The following TRIM40 variants were observed in gnomAD, a reference collection of about 807,000 sequenced individuals.
TRIM40 encodes E3 ubiquitin ligase TRIM40.
In TRIM40, 27 loss-of-function variants were observed where a neutral mutation model predicts 26.1. The ratio of observed to expected loss-of-function variants is 1.04; its 90% CI spans 0.76 to 1.43. The LOEUF (loss-of-function observed/expected upper bound fraction) is 1.43. TRIM40 is among the 40% of genes most tolerant of loss of function. TRIM40 has a pLI of 0.00. For missense variants in TRIM40, 289 were observed against 307.9 expected, an observed-to-expected ratio of 0.94 and a Z score of 0.46; for synonymous variants, 114 against 120.0, an observed-to-expected ratio of 0.95 and a Z score of 0.33.
chr6:30,147,600 A>G (rs1026082021), intron 5 of TRIM40, 58 bp downstream of exon 5: 6 of 1,613,892 alleles, frequency 3.7e-6, no homozygotes, highest in East Asian at 2.2e-5. Context: ...CAACACAGAC[A>G]TGCACAGAGG....
Position 30,148,533 on chromosome 6 carries a change from G to C in TRIM40, c.*721G>C, listed in dbSNP as rs948235577. 2.0e-5 allele frequency: 3 copies of C among 152,212 alleles called. No homozygotes were observed. The highest frequency in any genetic ancestry group is 7.2e-5 in the African/African-American group (3 of 41,420). 9.4% of individuals were successfully genotyped at this position (152,212 alleles called of 1,614,324 possible). A position where few individuals can be genotyped will look rare whatever the true frequency, so the allele number is the denominator to read the frequency against. On this transcript the variant is annotated 3_prime_UTR_variant, in exon 6 of 6. Coordinates refer to ENST00000396581, the MANE Select transcript of TRIM40 (RefSeq NM_001286633.2). The stretch of plus-strand genomic sequence containing the variant: ...AACAAGCAGAGGCCCTCAGTCTTGT[G>C]GCTGCAAGAACCTGAATTCTGCCAA...
At chr6:30,141,071 C>T (rs1450312990) in intron 2 of TRIM40, among the ~76,000 whole-genome samples, 1 of 152,172 alleles carries the variant, frequency 6.6e-6, no homozygotes, top group Non-Finnish European at 1.5e-5. Context: ...CGCTTGAGCC[C>T]AGGAGTTCAA....
At chr6:30,137,442 A>C in intron 2 of TRIM40, 61 bp downstream of exon 2, 4 of 1,403,212 alleles carry the variant, frequency 2.9e-6, no homozygotes, top group Non-Finnish European at 4.0e-6. Context: ...TGCATCCTAC[A>C]TGTTCATCAT....
chr6:30,136,786 T>G lies in TRIM40; in HGVS notation c.-251T>G. ...AAACACAAGGAAACCGCAGGGTCCA[T>G]GTCAAAGCTGATGAGCTATTTCTGA... On this transcript the variant is annotated 5_prime_UTR_variant, in exon 2 of 6. It removes an upstream start codon present in the reference 5' UTR. Coordinates refer to ENST00000396581, the MANE Select transcript of TRIM40 (RefSeq NM_001286633.2). 1.8e-6 allele frequency: 1 copy of G among 546,826 alleles called. No individual in the cohort carries two copies. The highest frequency in any genetic ancestry group is 3.2e-6 in the Non-Finnish European group (1 of 308,470). The allele number at this position is 546,826 out of a possible 1,614,324, so 33.9% of individuals were successfully genotyped here.
In TRIM40 at chr6:30,147,878, C is replaced by T. The variant is rs1581546774; in HGVS notation, c.*66C>T. 1 of 1,408,110 alleles carries T rather than the reference C, an allele frequency of 7.1e-7. No homozygotes were observed. 87.2% of individuals were successfully genotyped at this position (1,408,110 alleles called of 1,614,324 possible). The stretch of plus-strand genomic sequence containing the variant: ...GCCTCCTCTCTCTCCTTCCTCCAAC[C>T]TGTCCAGGCCCCCACTGGGTCTACC... On this transcript the variant is annotated 3_prime_UTR_variant, in exon 6 of 6. Transcript: ENST00000396581.
intron 3 of TRIM40, among the ~76,000 whole-genome samples, chr6:30,146,444 C>A (rs1014694979): frequency 6.6e-6 from 1 of 151,458 alleles, no homozygotes; most frequent in Non-Finnish European, 1.5e-5. Flanking sequence ...TGGAGCCTTG[C>A]TCTGTCGCCC....
At chr6:30,147,474 A>T (rs1454782533) in intron 4 of TRIM40, 46 bp from the exon 5 acceptor site, 7 of 1,613,354 alleles carry the variant, frequency 4.3e-6, no homozygotes, top group Admixed American at 3.3e-5. Flanking sequence ...TGGAGGTGAT[A>T]GGAACCTGAG....
intron 2 of TRIM40, among the ~76,000 whole-genome samples, chr6:30,142,661 G>C (rs1771413423): frequency 1.3e-5 from 2 of 151,944 alleles, no homozygotes. Context: ...GTGCTGCTCT[G>C]TTTTATTTTT....
chr6:30,141,964 C>G (rs1362806781), intron 2 of TRIM40, among the ~76,000 whole-genome samples: 1 of 152,038 alleles, frequency 6.6e-6, no homozygotes, highest in African/African-American at 2.4e-5. Flanking sequence ...TACATTTTAC[C>G]ATGGATAAGG....
rs1158842515 is a variant in TRIM40, at chr6:30,147,225, C to G, written c.666+16C>G. On this transcript the variant is annotated intron_variant, in intron 4 of 5. Coordinates refer to ENST00000396581, the MANE Select transcript of TRIM40 (RefSeq NM_001286633.2). ...CACACTGAAGGTGCATACCCTGAGG[C>G]CTTCCCCAAGGGCTGGGATTCTCCC... 1.9e-6 allele frequency: 3 copies of G among 1,613,606 alleles called. No homozygotes were observed. Among genetic ancestry groups the G allele is most frequent in the Middle Eastern group, 1.7e-4 (1 of 6,002 alleles).
At chr6:30,146,134 A>G in intron 3 of TRIM40, 45 bp downstream of exon 3, 1 of 1,488,344 alleles carries the variant, frequency 6.7e-7, no homozygotes, top group Non-Finnish European at 9.3e-7. Flanking sequence ...GAGTGTTCTC[A>G]GGAGCCCTTA....
Position 30,136,776 on chromosome 6 carries a change from G to C in TRIM40, c.-261G>C, listed in dbSNP as rs947938290. 1 of 498,132 alleles carries C rather than the reference G, an allele frequency of 2.0e-6. No homozygotes were observed. The highest frequency in any genetic ancestry group is 3.1e-5 in the East Asian group (1 of 32,228). The allele number at this position is 498,132 out of a possible 1,614,324, so 30.9% of individuals were successfully genotyped here. ...CAAGTTTAACAAACACAAGGAAACC[G>C]CAGGGTCCATGTCAAAGCTGATGAG... is the stretch of plus-strand genomic sequence containing the variant. On this transcript the variant is annotated 5_prime_UTR_variant, in exon 2 of 6. Coordinates refer to ENST00000396581, the MANE Select transcript of TRIM40 (RefSeq NM_001286633.2).
chr6:30,145,430 T>C (rs1771587115), intron 2 of TRIM40, among the ~76,000 whole-genome samples: 1 of 152,198 alleles, frequency 6.6e-6, no homozygotes, highest in Non-Finnish European at 1.5e-5. Context: ...TTTTAGAAAC[T>C]CAAATCATTC....
Position 30,146,653 on chromosome 6 carries a change from C to T in TRIM40, c.442-332C>T, listed in dbSNP as rs561573445. On this transcript the variant is annotated intron_variant, in intron 3 of 5. Transcript: ENST00000396581. ...GTCTCGATCTCCTGACCTCGTGATC[C>T]GCCCGCCTTGGCCTCCCAAAGTGCT... 2.8e-4 allele frequency among the ~76,000 whole-genome samples: 42 copies of T among 152,146 alleles called. 1 individual carries two copies. In the South Asian group the frequency reaches 7.9e-3, roughly 29 times the overall value.
chr6:30,142,524 A>G (rs918505374), intron 2 of TRIM40, among the ~76,000 whole-genome samples: 1 of 152,070 alleles, frequency 6.6e-6, no homozygotes, highest in Non-Finnish European at 1.5e-5. Flanking sequence ...ACATTTTTTT[A>G]TTCTGTTATT....
intron 4 of TRIM40, 74 bp from the exon 5 acceptor site, chr6:30,147,446 T>G: frequency 6.2e-7 from 1 of 1,609,334 alleles, no homozygotes; most frequent in South Asian, 1.1e-5. Context: ...CCTCCAAGAG[T>G]GAATTGGGAA....
In TRIM40 at chr6:30,137,061, C is replaced by A. The variant is rs778935033; in HGVS notation, c.25C>A (p.Gln9Lys). MIPLQKDN[Q>K]EEGVCPICQE... ...CATGATCCCTTTGCAGAAGGACAACCAGGAGGAGGGTGTCTGCCCCATCTG... is the reference window on the plus strand; with the variant it reads ...CATGATCCCTTTGCAGAAGGACAACAAGGAGGAGGGTGTCTGCCCCATCTG... The change falls in exon 2 of 6, where the codon CAG becomes AAG. Residue 9 changes from glutamine to lysine, a missense_variant. Coordinates refer to ENST00000396581, the MANE Select transcript of TRIM40 (RefSeq NM_001286633.2). 3 of 1,612,824 alleles carry A rather than the reference C, an allele frequency of 1.9e-6. No homozygotes were observed. Among genetic ancestry groups the A allele is most frequent in the Non-Finnish European group, 2.5e-6 (3 of 1,179,972 alleles).
At chr6:30,140,057 A>C (rs1771255155) in intron 2 of TRIM40, among the ~76,000 whole-genome samples, 1 of 152,246 alleles carries the variant, frequency 6.6e-6, no homozygotes, top group Non-Finnish European at 1.5e-5. Flanking sequence ...AATCATTAAA[A>C]AGTCAGTAAA....
rs142807196 is a variant in TRIM40, at chr6:30,137,205, C to T, written c.169C>T (p.Arg57Trp). The change falls in exon 2 of 6, where the codon CGG becomes TGG. Residue 57 changes from arginine to tryptophan, a missense_variant. By Grantham distance (101) the Arg-to-Trp change is moderately radical (BLOSUM62 -3). Coordinates refer to ENST00000396581, the MANE Select transcript of TRIM40 (RefSeq NM_001286633.2). ...TGGGGTCTTCTGCTGCCCCCTCTGCCGGAAGCCCTGTTCTGAGGAGGTGCT... is the reference window on the plus strand; with the variant it reads ...TGGGGTCTTCTGCTGCCCCCTCTGCTGGAAGCCCTGTTCTGAGGAGGTGCT... The part of the protein sequence containing the change: ...ASGVFCCPLC[R>W]KPCSEEVLGT... 692 of 1,612,912 alleles carry T rather than the reference C, an allele frequency of 4.3e-4. 1 individual carries two copies. Among genetic ancestry groups the T allele is most frequent in the Non-Finnish European group, 5.4e-4 (632 of 1,180,024 alleles).
Sources: allele counts gnomAD v4.1 joint callset (sites outside exome capture counted in the v4.1 genomes callset), GRCh38; gene constraint gnomAD v4.1.1; transcripts MANE v1.5; gene names NCBI Gene and HGNC (gene_info 2026-07-23, HGNC 2026-07-21).